Variants in CELSR1 observed in about 807,000 individuals in gnomAD.
CELSR1 encodes cadherin EGF LAG seven-pass G-type receptor 1.
In CELSR1, 110 loss-of-function variants were observed where a neutral mutation model predicts 249.1. That is an observed-to-expected ratio of 0.44 (90% CI 0.38 to 0.52). CELSR1 has a LOEUF of 0.52. CELSR1 is among the 20% of genes least tolerant of loss of function. The pLI is 0.00. For missense variants in CELSR1, 4,109 were observed against 4,296.4 expected (o/e 0.96, Z 1.22); for synonymous variants, 2,113 against 1,900.0 (o/e 1.11, Z -2.92).
Position 46,363,385 on chromosome 22 carries a change from A to G in CELSR1, c.9036-138T>C. On this transcript the variant is annotated intron_variant, in intron 34 of 34. Coordinates refer to ENST00000674500, the MANE Select transcript of CELSR1 (RefSeq NM_001378328.1). This position sits in a 1 kb window ranked among gnomAD's most constrained non-coding sequence, Gnocchi z 4.3. ...GCGTCTGGGGGCTCCAGGGAGGGCA[A>G]GCTCATGTTGGATGAGGCTGCCCTT... 1 of 684,734 alleles carries G rather than the reference A, an allele frequency of 1.5e-6. No individual in the cohort carries two copies. The highest frequency in any genetic ancestry group is 2.5e-6 in the Non-Finnish European group (1 of 404,190). The allele number at this position is 684,734 out of a possible 1,614,324, so 42.4% of individuals were successfully genotyped here. A position where few individuals can be genotyped will look rare whatever the true frequency, so the allele number is the denominator to read the frequency against.
intron 2 of CELSR1, among the ~76,000 whole-genome samples, chr22:46,455,733 C>T (rs2079941222): frequency 1.3e-5 from 2 of 152,310 alleles, no homozygotes; most frequent in African/African-American, 2.4e-5. Context: ...TGCTGGTGGG[C>T]TGTGCCTGCA....
chr22:46,509,860 C>A (rs988477113), intron 1 of CELSR1, among the ~76,000 whole-genome samples: 1 of 152,120 alleles, frequency 6.6e-6, no homozygotes, highest in Non-Finnish European at 1.5e-5. Flanking sequence ...GGACCCGGCA[C>A]ACAGGTGAGT....
chr22:46,465,801 A>G (rs1177112406), intron 1 of CELSR1, among the ~76,000 whole-genome samples: 1 of 152,042 alleles, frequency 6.6e-6, no homozygotes, highest in Admixed American at 6.6e-5. Context: ...AACCAGCACC[A>G]CCCCCAGTTC....
intron 1 of CELSR1, among the ~76,000 whole-genome samples, chr22:46,491,981 G>A (rs1366375064): frequency 6.6e-6 from 1 of 152,166 alleles, no homozygotes; most frequent in African/African-American, 2.4e-5. Context: ...GTCTTTCCAG[G>A]CTTCACCCCA....
Position 46,537,620 on chromosome 22 carries a change from T to G in CELSR1, c.-450A>C, listed in dbSNP as rs1409618361. Among the ~76,000 whole-genome samples, 1 of 147,960 alleles carries G rather than the reference T, an allele frequency of 6.8e-6. No homozygotes were observed. Among genetic ancestry groups the G allele is most frequent in the African/African-American group, 2.4e-5 (1 of 40,818 alleles). On this transcript the variant is annotated 5_prime_UTR_variant, in exon 1 of 35. Transcript: ENST00000674500. The surrounding 1 kb of genome is among the most constrained non-coding windows in gnomAD (Gnocchi z 5.8). ...CCGGCTGCTGCCTGGGCGGTGCGCT[T>G]GGCCCGCGCCCACTCCGCCCGCGCT...
chr22:46,492,293 A>G (rs187952196), intron 1 of CELSR1, among the ~76,000 whole-genome samples: 28 of 152,316 alleles, frequency 1.8e-4, no homozygotes, highest in African/African-American at 4.3e-4. Context: ...ATTCTCCTTT[A>G]AAATATGTCA....
intron 1 of CELSR1, among the ~76,000 whole-genome samples, chr22:46,514,025 C>T (rs1186320057): frequency 2.0e-5 from 3 of 152,090 alleles, no homozygotes; most frequent in Non-Finnish European, 4.4e-5. Context: ...GATCTCCTGA[C>T]CTCATGATCC....
rs374486700 is a variant in CELSR1, at chr22:46,442,952, A to G, written c.4184-3541T>C. ...TAAAAATACAAAAAAAAAAAAATTA[A>G]CCGGGTGTGTTGGCGGGCGCCTGTA... On this transcript the variant is annotated intron_variant, in intron 2 of 34. Transcript: ENST00000674500. Among the ~76,000 whole-genome samples, 1,259 of 151,968 alleles carry G rather than the reference A, an allele frequency of 8.3e-3. 18 individuals carry two copies. Among genetic ancestry groups the G allele is most frequent in the African/African-American group, 0.029 (1,186 of 41,442 alleles).
chr22:46,460,306 C>A (rs9616011), intron 2 of CELSR1, among the ~76,000 whole-genome samples: 84,486 of 152,044 alleles, frequency 0.56, 23,761 homozygotes, highest in East Asian at 0.79. Context: ...ACAAAAGCAT[C>A]AGCAAGGCAC....
rs758575170 is a variant in CELSR1 at position 46,377,180 on chromosome 22, G to A, written c.7465C>T (p.Leu2489Phe). The A allele has an allele frequency of 4.0e-5, 64 of 1,613,806 alleles. No homozygotes were observed. The highest frequency in any genetic ancestry group is 3.2e-4 in the South Asian group (29 of 91,088). The change falls in exon 24 of 35, where the codon CTC becomes TTC. Residue 2489 changes from leucine to phenylalanine, a missense_variant. Transcript: ENST00000674500. The part of the protein sequence containing the change: ...SLAALLVAFV[L>F]LSLVRMLRSN... The stretch of plus-strand genomic sequence containing the variant: ...CGCAGCATGCGGACCAGGCTCAGGA[G>A]GACGAAGGCCACCAGCAGGGCTGCC...
chr22:46,382,614 C>A (rs1002702789), intron 20 of CELSR1, among the ~76,000 whole-genome samples: 7 of 152,136 alleles, frequency 4.6e-5, no homozygotes, highest in African/African-American at 1.4e-4. Context: ...CACAGCAGCA[C>A]CATTCACACA....
In CELSR1 at chr22:46,436,997, G is replaced by C. The variant is rs1349271831; in HGVS notation, c.4407-708C>G. ...TTATAAGAATGTATGATCCATAAGG[G>C]GAGGAACCGCAGCTCTCATTCCCTG... On this transcript the variant is annotated intron_variant, in intron 3 of 34. Coordinates refer to ENST00000674500, the MANE Select transcript of CELSR1 (RefSeq NM_001378328.1). This position sits in a 1 kb window ranked among gnomAD's most constrained non-coding sequence, Gnocchi z 5.9. Among the ~76,000 whole-genome samples, 1 of 152,158 alleles carries C rather than the reference G, an allele frequency of 6.6e-6. No individual in the cohort carries two copies. Among genetic ancestry groups the C allele is most frequent in the African/African-American group, 2.4e-5 (1 of 41,412 alleles).
In CELSR1 at chr22:46,471,645, C is replaced by T. The variant is rs1264844347; in HGVS notation, c.3545-7300G>A. ...TCCTGGCCTCAAGCGATCCTCCCAC[C>T]TCAGCCTCCCAAAGTGCTGGGATTC... On this transcript the variant is annotated intron_variant, in intron 1 of 34. Coordinates refer to ENST00000674500, the MANE Select transcript of CELSR1 (RefSeq NM_001378328.1). The surrounding 1 kb of genome is among the most constrained non-coding windows in gnomAD (Gnocchi z 4.9). Among the ~76,000 whole-genome samples, 1 of 152,226 alleles carries T rather than the reference C, an allele frequency of 6.6e-6. No homozygotes were observed. Among genetic ancestry groups the T allele is most frequent in the Non-Finnish European group, 1.5e-5 (1 of 68,044 alleles).
chr22:46,517,640 G>T lies in CELSR1; in HGVS notation c.3544+15987C>A, dbSNP rs2080641967. ...CACCCCTGACCTCTGACGGCCACAT[G>T]CAGGACAGACAGGAAGTCTCACAGA... On this transcript the variant is annotated intron_variant, in intron 1 of 34. Coordinates refer to ENST00000674500, the MANE Select transcript of CELSR1 (RefSeq NM_001378328.1). The surrounding 1 kb of genome is among the most constrained non-coding windows in gnomAD (Gnocchi z 5.4). Among the ~76,000 whole-genome samples, 1 of 152,210 alleles carries T rather than the reference G, an allele frequency of 6.6e-6. No individual in the cohort carries two copies.
At chr22:46,481,242 C>CAA (rs112875441) in intron 1 of CELSR1, 35,196 of 282,662 alleles carry the variant, frequency 0.12, 1,013 homozygotes, top group East Asian at 0.18. Context: ...GACCATGTCT[C>CAA]AAAAAAAAAA....
rs2080643197 is a variant in CELSR1, at chr22:46,517,771, A to G, written c.3544+15856T>C. ...CTTAGAAGCGAGGGCTGCATTGAAG[A>G]GGCGACTCCCATGGCTATGGCACTT... On this transcript the variant is annotated intron_variant, in intron 1 of 34. Coordinates refer to ENST00000674500, the MANE Select transcript of CELSR1 (RefSeq NM_001378328.1). This position sits in a 1 kb window ranked among gnomAD's most constrained non-coding sequence, Gnocchi z 5.4. Among the ~76,000 whole-genome samples, 1 of 152,168 alleles carries G rather than the reference A, an allele frequency of 6.6e-6. No homozygotes were observed. Among genetic ancestry groups the G allele is most frequent in the South Asian group, 2.1e-4 (1 of 4,826 alleles).
Position 46,534,357 on chromosome 22 carries a change from A to G in CELSR1, c.2814T>C (p.Asp938=). ...ACGTGGGCTCGATGTAGAAGTCCCCATCGCCGTCGTCCCCACCCTGGAAGG... is the reference window on the plus strand; with the variant it reads ...ACGTGGGCTCGATGTAGAAGTCCCCGTCGCCGTCGTCCCCACCCTGGAAGG... ...LYTFQGGDDG[D]GDFYIEPTSG... is the part of the protein sequence containing the mutation. Residue 938 remains aspartate (D), a synonymous_variant, in exon 1 of 35, where the codon GAT becomes GAC. Coordinates refer to ENST00000674500, the MANE Select transcript of CELSR1 (RefSeq NM_001378328.1). The surrounding 1 kb of genome is among the most constrained non-coding windows in gnomAD (Gnocchi z 9.7). The G allele has an allele frequency of 6.2e-7, 1 of 1,612,944 alleles. No homozygotes were observed. Among genetic ancestry groups the G allele is most frequent in the Non-Finnish European group, 8.5e-7 (1 of 1,180,018 alleles).
chr22:46,456,169 G>C (rs1005193911), intron 2 of CELSR1, among the ~76,000 whole-genome samples: 1 of 152,250 alleles, frequency 6.6e-6, no homozygotes, highest in Non-Finnish European at 1.5e-5. Flanking sequence ...ATACTTGGAA[G>C]TGAAGCTTTA....
intron 1 of CELSR1, among the ~76,000 whole-genome samples, chr22:46,529,892 A>T (rs1379965330): frequency 6.6e-6 from 1 of 152,160 alleles, no homozygotes; most frequent in Non-Finnish European, 1.5e-5. Flanking sequence ...AAATAACTAA[A>T]AGAGTATAAT....
Sources: allele counts gnomAD v4.1 joint callset (sites outside exome capture counted in the v4.1 genomes callset), GRCh38; gene constraint gnomAD v4.1.1; non-coding constraint Gnocchi (gnomAD v3.1); transcripts MANE v1.5; gene names NCBI Gene and HGNC (gene_info 2026-07-23, HGNC 2026-07-21).